Variants in VPS54 observed in about 807,000 individuals in gnomAD.
The protein encoded by VPS54 is VPS54 subunit of GARP complex, also known as vacuolar protein sorting-associated protein 54.
In VPS54, 45 loss-of-function variants were observed where a neutral mutation model predicts 121.5. The ratio of observed to expected loss-of-function variants is 0.37; its 90% CI spans 0.29 to 0.47. The LOEUF is 0.47. Ranked by LOEUF, VPS54 falls within the 20% of genes least tolerant of loss-of-function variation. The pLI is 0.99. For synonymous variants in VPS54, 371 were observed against 385.8 expected (o/e 0.96, Z 0.45); for missense variants, 1,090 against 1,131.4 (o/e 0.96, Z 0.52).
intron 7 of VPS54, among the ~76,000 whole-genome samples, chr2:63,960,375 T>C (rs1464175680): frequency 6.6e-6 from 1 of 152,186 alleles, no homozygotes; most frequent in East Asian, 1.9e-4. Context: ...TACAAGATTA[T>C]AAAATTTTTA....
At chr2:63,921,742 A>C (rs1181183105) in intron 12 of VPS54, among the ~76,000 whole-genome samples, 1 of 152,142 alleles carries the variant, frequency 6.6e-6, no homozygotes, top group Non-Finnish European at 1.5e-5. Context: ...TCAGCCTCCC[A>C]AAGTGCTAGG....
chr2:63,960,293 TTTGAC>T (rs1299539408), intron 7 of VPS54, among the ~76,000 whole-genome samples: 1 of 152,172 alleles, frequency 6.6e-6, no homozygotes, highest in Non-Finnish European at 1.5e-5. Context: ...TATTTTATAC[TTTGAC>T]TTAAGGTACA....
intron 1 of VPS54, among the ~76,000 whole-genome samples, chr2:64,018,166 A>G (rs988144296): frequency 1.3e-5 from 2 of 152,244 alleles, no homozygotes; most frequent in Non-Finnish European, 2.9e-5. Context: ...AAATACAGCC[A>G]ATTAAAAACA....
chr2:63,986,572 A>G (rs541629288), intron 1 of VPS54, among the ~76,000 whole-genome samples: 4 of 152,326 alleles, frequency 2.6e-5, no homozygotes, highest in Middle Eastern at 3.4e-3. Context: ...ATAAATATGG[A>G]TATCTCTTCA....
At chr2:63,931,990 A>G (rs1674230625) in intron 12 of VPS54, among the ~76,000 whole-genome samples, 1 of 152,234 alleles carries the variant, frequency 6.6e-6, no homozygotes, top group African/African-American at 2.4e-5. Flanking sequence ...GGCGATCACT[A>G]CAAAATCAGG....
intron 11 of VPS54, among the ~76,000 whole-genome samples, chr2:63,939,616 T>TA (rs1036214555): frequency 2.6e-5 from 4 of 152,054 alleles, no homozygotes; most frequent in Non-Finnish European, 5.9e-5. Context: ...TAGAAAAGAA[T>TA]AAAAAATCTA....
At chr2:64,008,123 G>C (rs1678252497) in intron 1 of VPS54, among the ~76,000 whole-genome samples, 1 of 151,702 alleles carries the variant, frequency 6.6e-6, no homozygotes, top group Non-Finnish European at 1.5e-5. Context: ...GATTAAAGAG[G>C]AACAAGAGGC....
At chr2:63,911,657 CT>C (rs1349581441) in intron 20 of VPS54, among the ~76,000 whole-genome samples, 1 of 152,160 alleles carries the variant, frequency 6.6e-6, no homozygotes, top group Non-Finnish European at 1.5e-5. Flanking sequence ...CCTGCTGTTC[CT>C]GCCATTTCGG....
intron 1 of VPS54, among the ~76,000 whole-genome samples, chr2:64,001,172 A>G (rs1293247251): frequency 6.6e-6 from 1 of 152,132 alleles, no homozygotes; most frequent in Non-Finnish European, 1.5e-5. Context: ...AAAGGCCCAT[A>G]GGGAGTACTG....
chr2:63,969,443 T>C (rs1404498104), intron 4 of VPS54, among the ~76,000 whole-genome samples: 1 of 152,112 alleles, frequency 6.6e-6, no homozygotes, highest in South Asian at 2.1e-4. Flanking sequence ...TAGGTTCTCA[T>C]AGGAGCACAA....
chr2:64,000,019 C>T (rs1677795658), intron 1 of VPS54, among the ~76,000 whole-genome samples: 1 of 151,984 alleles, frequency 6.6e-6, no homozygotes, highest in Admixed American at 6.6e-5. Flanking sequence ...TGCCACCTTG[C>T]CCGGCTAATT....
At chr2:63,969,030 G>A in intron 4 of VPS54, 39 bp from the exon 5 acceptor site, 1 of 1,532,288 alleles carries the variant, frequency 6.5e-7, no homozygotes. Context: ...TTTAAAACTT[G>A]TTTTCATTTT....
chr2:64,003,230 C>G (rs1221805787), intron 1 of VPS54, among the ~76,000 whole-genome samples: 1 of 152,132 alleles, frequency 6.6e-6, no homozygotes, highest in African/African-American at 2.4e-5. Context: ...GCTCTAAGCA[C>G]TAAACACAGG....
chr2:63,898,594 T>C (rs1187452303), intron 21 of VPS54, among the ~76,000 whole-genome samples: 1 of 152,124 alleles, frequency 6.6e-6, no homozygotes, highest in East Asian at 1.9e-4. Flanking sequence ...AAAGCCACCC[T>C]CTGCTCCCAA....
intron 11 of VPS54, among the ~76,000 whole-genome samples, chr2:63,935,543 T>C (rs1674415818): frequency 6.6e-6 from 1 of 152,112 alleles, no homozygotes; most frequent in Non-Finnish European, 1.5e-5. Flanking sequence ...CTTAACTTTT[T>C]AAAATAAAAA....
chr2:63,940,353 C>T (rs767154237), intron 11 of VPS54, among the ~76,000 whole-genome samples: 1 of 152,098 alleles, frequency 6.6e-6, no homozygotes, highest in Non-Finnish European at 1.5e-5. Context: ...AGATGTTGTA[C>T]ATAAGTACTA....
chr2:63,945,764 T>C (rs1205860702), intron 9 of VPS54, among the ~76,000 whole-genome samples: 1 of 152,182 alleles, frequency 6.6e-6, no homozygotes, highest in East Asian at 1.9e-4. Flanking sequence ...GAACAAGGTG[T>C]AAGCCCCATA....
intron 22 of VPS54, among the ~76,000 whole-genome samples, chr2:63,895,761 C>T (rs1275814880): frequency 2.6e-5 from 4 of 152,114 alleles, no homozygotes; most frequent in Non-Finnish European, 4.4e-5. Flanking sequence ...AGGGATATTT[C>T]AAAGACATGA....
chr2:63,949,270 T>C, intron 7 of VPS54, 107 bp from the exon 8 acceptor site: 3 of 1,035,516 alleles, frequency 2.9e-6, no homozygotes, highest in Non-Finnish European at 4.1e-6. Flanking sequence ...ACAGTACCTG[T>C]GCAATAATGC....
Sources: gnomAD v4.1 joint callset for allele counts (sites outside exome capture counted in the v4.1 genomes callset) on GRCh38, gnomAD v4.1.1 for gene constraint, MANE v1.5 for transcripts, NCBI Gene and HGNC (gene_info 2026-07-23, HGNC 2026-07-21) for gene names.